Variants in TMEM135 observed in about 807,000 individuals in gnomAD.
TMEM135 encodes peroxisomal membrane protein 52.
A neutral mutation model predicts 60.3 loss-of-function variants in TMEM135; 30 were observed. The observed-to-expected ratio is 0.50, with a 90% CI of 0.37 to 0.68. The LOEUF (loss-of-function observed/expected upper bound fraction) is 0.68, where lower values mean the gene tolerates loss of function less well. Among genes scored for constraint, TMEM135 ranks in the 30% least tolerant of loss-of-function variants. The pLI, the probability that TMEM135 is intolerant of heterozygous loss-of-function variation, is 0.00. For synonymous variants in TMEM135, 190 were observed against 186.7 expected (o/e 1.02, Z -0.14); for missense variants, 468 against 548.8 (o/e 0.85, Z 1.47).
intron 4 of TMEM135, among the ~76,000 whole-genome samples, chr11:87,146,498 T>A (rs1249609550): frequency 6.6e-6 from 1 of 152,176 alleles, no homozygotes; most frequent in Non-Finnish European, 1.5e-5. Context: ...TACTTTAGCC[T>A]CCCAAGTAGC....
chr11:87,238,388 T>A, intron 6 of TMEM135, among the ~76,000 whole-genome samples: 1 of 151,986 alleles, frequency 6.6e-6, no homozygotes, highest in East Asian at 1.9e-4. Context: ...ACAGCCAGGC[T>A]TTTAGAAGGG....
At chr11:87,186,540 T>C (rs1939659066) in intron 5 of TMEM135, among the ~76,000 whole-genome samples, 1 of 152,350 alleles carries the variant, frequency 6.6e-6, no homozygotes, top group South Asian at 2.1e-4. Flanking sequence ...AAGTTAGTAG[T>C]GTGGGATTTA....
intron 4 of TMEM135, among the ~76,000 whole-genome samples, chr11:87,142,829 T>G (rs932872503): frequency 6.6e-6 from 1 of 151,872 alleles, no homozygotes; most frequent in Non-Finnish European, 1.5e-5. Context: ...TTTCTCTTCC[T>G]TCTCCTTTCT....
At chr11:87,292,388 G>A (rs944416562) in intron 6 of TMEM135, among the ~76,000 whole-genome samples, 1 of 152,158 alleles carries the variant, frequency 6.6e-6, no homozygotes, top group Non-Finnish European at 1.5e-5. Flanking sequence ...ACCTAAGGCA[G>A]TGCTTATACA....
At chr11:87,291,515 ATTTTTTTTTTTTTTTTTTTT>A (rs869273724) in intron 6 of TMEM135, among the ~76,000 whole-genome samples, 3 of 50,532 alleles carry the variant, frequency 5.9e-5, no homozygotes, top group African/African-American at 7.4e-5. Flanking sequence ...CAGCCAAGTG[ATTTTTTTTTTTTTTTTTTTT>A]TTTTTTTTTT....
chr11:87,295,492 CATTTTA>C (rs1046889354), intron 6 of TMEM135, among the ~76,000 whole-genome samples: 1 of 152,184 alleles, frequency 6.6e-6, no homozygotes, highest in African/African-American at 2.4e-5. Context: ...TCCCAGCCTT[CATTTTA>C]AGTCCAGATG....
intron 5 of TMEM135, among the ~76,000 whole-genome samples, chr11:87,216,885 A>C (rs1267501147): frequency 6.6e-6 from 1 of 152,222 alleles, no homozygotes; most frequent in African/African-American, 2.4e-5. Context: ...AGCATCAATT[A>C]CACAAGAAGT....
At chr11:87,314,372 A>G (rs1942689699) in intron 11 of TMEM135, 99 bp from the exon 12 acceptor site, 2 of 962,246 alleles carry the variant, frequency 2.1e-6, no homozygotes, top group Admixed American at 2.0e-5. Context: ...GTAACAAGAG[A>G]TAGTGCTGAT....
Position 87,290,465 on chromosome 11 carries a change from A to G in TMEM135, c.510-5317A>G, listed in dbSNP as rs550435828. On this transcript the variant is annotated intron_variant, in intron 6 of 14. Coordinates refer to ENST00000305494, the MANE Select transcript of TMEM135 (RefSeq NM_022918.4). ...ATAGAAGTCACACCAATGAACTACAAATTCTTCCAAAAACAGTTTTCTAGC... is the reference window on the plus strand; with the variant it reads ...ATAGAAGTCACACCAATGAACTACAGATTCTTCCAAAAACAGTTTTCTAGC... Among the ~76,000 whole-genome samples the G allele has an allele frequency of 3.9e-5, 6 of 152,302 alleles. No homozygotes were observed. In the East Asian group the frequency reaches 1.2e-3, roughly 29 times the overall value.
At chr11:87,148,227 T>C (rs1393077525) in intron 4 of TMEM135, among the ~76,000 whole-genome samples, 1 of 152,244 alleles carries the variant, frequency 6.6e-6, no homozygotes, top group African/African-American at 2.4e-5. Flanking sequence ...GAATTAGCTC[T>C]GAATTCATTA....
chr11:87,194,089 C>G (rs151152044), intron 5 of TMEM135, among the ~76,000 whole-genome samples: 1 of 151,920 alleles, frequency 6.6e-6, no homozygotes, highest in Non-Finnish European at 1.5e-5. Context: ...AGAGTTTGTT[C>G]CTGTGTGAAT....
intron 5 of TMEM135, among the ~76,000 whole-genome samples, chr11:87,228,592 C>G (rs1395689951): frequency 6.6e-6 from 1 of 152,018 alleles, no homozygotes; most frequent in Non-Finnish European, 1.5e-5. Flanking sequence ...TGAAGGCTAG[C>G]TAGGTTCACT....
At chr11:87,253,568 G>A (rs1263929859) in intron 6 of TMEM135, among the ~76,000 whole-genome samples, 1 of 143,794 alleles carries the variant, frequency 7.0e-6, no homozygotes, top group African/African-American at 2.6e-5. Flanking sequence ...AGTTCCCAGA[G>A]GTTCCACTGG....
In TMEM135 at chr11:87,159,864, G is replaced by C. The variant is rs2135271774; in HGVS notation, c.462+2458G>C. ...GAACAATGGTAGATAATCTGTTTGA[G>C]AGTAGGAGTAAACTAAAAGGTTAAT... is the stretch of plus-strand genomic sequence containing the variant. On this transcript the variant is annotated intron_variant, in intron 5 of 14. Coordinates refer to ENST00000305494, the MANE Select transcript of TMEM135 (RefSeq NM_022918.4). 2.0e-5 allele frequency among the ~76,000 whole-genome samples: 3 copies of C among 152,240 alleles called. No individual in the cohort carries two copies. The South Asian group carries it at 6.2e-4, about 32-fold the overall frequency.
chr11:87,103,884 G>T (rs1039855153), intron 4 of TMEM135, among the ~76,000 whole-genome samples: 1 of 151,972 alleles, frequency 6.6e-6, no homozygotes, highest in East Asian at 1.9e-4. Flanking sequence ...TCTGTAGGTT[G>T]TCTCTTTACC....
At chr11:87,109,420 G>C (rs1447123329) in intron 4 of TMEM135, among the ~76,000 whole-genome samples, 1 of 152,144 alleles carries the variant, frequency 6.6e-6, no homozygotes, top group Non-Finnish European at 1.5e-5. Context: ...TGTAATAAAA[G>C]TTATGTGAAT....
chr11:87,313,720 G>A (rs1942680491), intron 11 of TMEM135, among the ~76,000 whole-genome samples: 2 of 151,668 alleles, frequency 1.3e-5, no homozygotes, highest in African/African-American at 4.8e-5. Context: ...TCCTGCTATA[G>A]GCCATAAATC....
At chr11:87,082,617 T>A (rs1484234449) in intron 3 of TMEM135, among the ~76,000 whole-genome samples, 1 of 152,150 alleles carries the variant, frequency 6.6e-6, no homozygotes, top group Non-Finnish European at 1.5e-5. Flanking sequence ...TTTCCTCTAA[T>A]AGGTGGTCGT....
chr11:87,129,542 C>A (rs1937849211), intron 4 of TMEM135, among the ~76,000 whole-genome samples: 1 of 53,664 alleles, frequency 1.9e-5, no homozygotes, highest in Non-Finnish European at 3.2e-5. Context: ...CATGCTTGGC[C>A]AATTTTTTTT....
Sources: gnomAD v4.1 joint callset for allele counts (sites outside exome capture counted in the v4.1 genomes callset) on GRCh38, gnomAD v4.1.1 for gene constraint, MANE v1.5 for transcripts, NCBI Gene and HGNC (gene_info 2026-07-23, HGNC 2026-07-21) for gene names.